ITPR2: variants seen among roughly 807,000 people sequenced by gnomAD.
ITPR2 encodes the protein inositol 1,4,5-trisphosphate-gated calcium channel ITPR2.
In ITPR2, 207 loss-of-function variants were observed where a neutral mutation model predicts 317.1. The ratio of observed to expected loss-of-function variants is 0.65; its 90% confidence interval spans 0.58 to 0.73. ITPR2 has a LOEUF of 0.73. Ranked by LOEUF, ITPR2 falls within the 30% of genes least tolerant of loss-of-function variation. The pLI is 0.00. For synonymous variants in ITPR2, 1,156 were observed against 1,149.1 expected, an observed-to-expected ratio of 1.01 and a Z score of -0.12; for missense variants, 2,613 against 3,284.0, an observed-to-expected ratio of 0.80 and a Z score of 4.99.
intron 55 of ITPR2, among the ~76,000 whole-genome samples, chr12:26,358,951 T>C (rs1237515622): frequency 2.0e-5 from 3 of 152,232 alleles, no homozygotes; most frequent in Admixed American, 6.5e-5. Context: ...CCAGTGTTCC[T>C]CCTCAGAGAG....
intron 34 of ITPR2, among the ~76,000 whole-genome samples, chr12:26,569,732 T>A (rs1210462685): frequency 6.6e-6 from 1 of 152,160 alleles, no homozygotes; most frequent in Non-Finnish European, 1.5e-5. Flanking sequence ...TTAATGTTTT[T>A]TTCCTCACTC....
At chr12:26,752,233 C>A (rs1487580451) in intron 2 of ITPR2, among the ~76,000 whole-genome samples, 1 of 152,114 alleles carries the variant, frequency 6.6e-6, no homozygotes, top group Non-Finnish European at 1.5e-5. Context: ...CCCTGACTTA[C>A]AATGGTTTTG....
chr12:26,815,047 T>C (rs1338286969), intron 1 of ITPR2, among the ~76,000 whole-genome samples: 7 of 152,194 alleles, frequency 4.6e-5, no homozygotes, highest in African/African-American at 1.4e-4. Flanking sequence ...TCTTAGCCAA[T>C]AGAATGGGAC....
chr12:26,424,944 G>T (rs1941011237), intron 49 of ITPR2, among the ~76,000 whole-genome samples: 2 of 151,522 alleles, frequency 1.3e-5, no homozygotes, highest in South Asian at 4.2e-4. Context: ...ATTTTTAGTA[G>T]AGACAGGGTT....
intron 32 of ITPR2, among the ~76,000 whole-genome samples, chr12:26,591,733 G>A (rs1285034729): frequency 6.6e-6 from 1 of 151,556 alleles, no homozygotes; most frequent in East Asian, 1.9e-4. Flanking sequence ...AGCTACTCGA[G>A]AGGCTGAGGC....
chr12:26,672,682 G>A (rs1947808897), intron 13 of ITPR2, among the ~76,000 whole-genome samples: 1 of 151,664 alleles, frequency 6.6e-6, no homozygotes, highest in Non-Finnish European at 1.5e-5. Context: ...CTAGCAGAAG[G>A]CAAGAAATAA....
intron 2 of ITPR2, among the ~76,000 whole-genome samples, chr12:26,787,820 G>A (rs1950280541): frequency 6.6e-6 from 1 of 151,380 alleles, no homozygotes; most frequent in African/African-American, 2.4e-5. Flanking sequence ...AACACAAAAA[G>A]AAGAAAATAA....
chr12:26,543,741 C>T (rs1442802654), intron 37 of ITPR2, among the ~76,000 whole-genome samples: 2 of 152,146 alleles, frequency 1.3e-5, no homozygotes, highest in Non-Finnish European at 2.9e-5. Context: ...TGCACTCCAG[C>T]CTGGGTGGCA....
At chr12:26,455,883 C>T (rs996082347) in intron 45 of ITPR2, among the ~76,000 whole-genome samples, 2 of 152,064 alleles carry the variant, frequency 1.3e-5, no homozygotes, top group Non-Finnish European at 2.9e-5. Flanking sequence ...ATAAGTAAAA[C>T]AATGTTATTA....
intron 34 of ITPR2, among the ~76,000 whole-genome samples, chr12:26,573,245 G>A (rs1945205757): frequency 2.0e-5 from 3 of 151,982 alleles, no homozygotes; most frequent in Non-Finnish European, 4.4e-5. Flanking sequence ...ATCCTGCCTG[G>A]CTGAAACTTG....
intron 32 of ITPR2, among the ~76,000 whole-genome samples, chr12:26,591,842 A>C (rs1374109282): frequency 6.6e-6 from 1 of 151,940 alleles, no homozygotes; most frequent in Admixed American, 6.6e-5. Flanking sequence ...TCTCAAAAAA[A>C]AAAAAGCAAC....
chr12:26,610,783 G>A (rs10219734), intron 26 of ITPR2, among the ~76,000 whole-genome samples: 46,050 of 151,958 alleles, frequency 0.3, 7,173 homozygotes, highest in Middle Eastern at 0.49. Context: ...ATGCCCAGTG[G>A]GTACCTCTGT....
intron 40 of ITPR2, 81 bp from the exon 41 acceptor site, chr12:26,486,441 A>C (rs1942670711): frequency 1.8e-6 from 2 of 1,105,058 alleles, no homozygotes; most frequent in Non-Finnish European, 2.6e-6. Flanking sequence ...CCAGGTACCC[A>C]AATTCTCTAA....
At chr12:26,349,538 T>G (rs1938414357) in intron 55 of ITPR2, among the ~76,000 whole-genome samples, 1 of 152,260 alleles carries the variant, frequency 6.6e-6, no homozygotes, top group Non-Finnish European at 1.5e-5. Flanking sequence ...TGCTCAAATC[T>G]AAATGCTCAA....
chr12:26,660,378 C>T (rs963858700), intron 15 of ITPR2, among the ~76,000 whole-genome samples: 3 of 152,184 alleles, frequency 2.0e-5, no homozygotes, highest in Non-Finnish European at 4.4e-5. Flanking sequence ...TCATCTCCCA[C>T]GTTCTATCTA....
At position 26,597,059 on chromosome 12, in the gene ITPR2, A is replaced by T; in HGVS notation, c.4078T>A (p.Cys1360Ser). ...TCATCCCCTCGGTCTCTCTCTGAAC[A>T]CATCATATGGAGAAGGATTGGAAAT... ...ASFPILLHMM[C>S]SERDRGDESG... The change falls in exon 31 of 57, where the codon TGT (cysteine) becomes AGT (serine). Residue 1360 changes from cysteine (C) to serine (S), a missense_variant. Coordinates refer to ENST00000381340, the MANE Select transcript of ITPR2 (RefSeq NM_002223.4). 6.2e-7 allele frequency: 1 copy of T among 1,614,060 alleles called. No individual in the cohort carries two copies. The highest frequency in any genetic ancestry group is 2.2e-5 in the East Asian group (1 of 44,884).
At position 26,337,620 on chromosome 12, in the gene ITPR2, T is replaced by A. The variant is rs1937961352; in HGVS notation, c.*1777A>T. 6.6e-6 allele frequency: 1 copy of A among 152,262 alleles called. No individual in the cohort carries two copies. Among genetic ancestry groups the A allele is most frequent in the African/African-American group, 2.4e-5 (1 of 41,474 alleles). 9.4% of individuals were successfully genotyped at this position (152,262 alleles called of 1,614,324 possible). On this transcript the variant is annotated 3_prime_UTR_variant, in exon 57 of 57. Transcript: ENST00000381340. ...CTGAATGACAGCTGAATTTCTCATG[T>A]ATTTATTGACTGCCTCCTAGGTTCA...
At chr12:26,582,603 G>C (rs1042661048) in intron 32 of ITPR2, among the ~76,000 whole-genome samples, 6 of 151,854 alleles carry the variant, frequency 4.0e-5, no homozygotes, top group Admixed American at 1.3e-4. Flanking sequence ...TTTCCTTCTT[G>C]CTCATCTTTT....
intron 37 of ITPR2, among the ~76,000 whole-genome samples, chr12:26,503,141 G>A (rs575270122): frequency 3.4e-5 from 5 of 148,398 alleles, no homozygotes; most frequent in African/African-American, 5.0e-5. Flanking sequence ...GCATGGCTCC[G>A]AAGAGCTGGC....
Sources: allele counts gnomAD v4.1 joint callset (sites outside exome capture counted in the v4.1 genomes callset), GRCh38; gene constraint gnomAD v4.1.1; transcripts MANE v1.5; gene names NCBI Gene and HGNC (gene_info 2026-07-23, HGNC 2026-07-21).